LDB2: variants seen among roughly 807,000 people sequenced by gnomAD.
LDB2 encodes LIM domain binding 2, also known as LIM domain-binding protein 2.
LDB2 carries 12 observed loss-of-function variants against 44.3 expected under a neutral mutation model. The observed-to-expected ratio is 0.27, with a 90% CI of 0.17 to 0.44. The LOEUF (loss-of-function observed/expected upper bound fraction) is 0.44. LDB2 is among the 20% of genes least tolerant of loss of function. The pLI, the probability that LDB2 is intolerant of heterozygous loss-of-function variation, is 1.00. For synonymous variants in LDB2, 164 were observed against 174.8 expected (o/e 0.94, Z 0.49); for missense variants, 344 against 473.5 (o/e 0.73, Z 2.54).
chr4:16,643,065 T>C (rs1735651593), intron 2 of LDB2, among the ~76,000 whole-genome samples: 1 of 152,148 alleles, frequency 6.6e-6, no homozygotes, highest in Non-Finnish European at 1.5e-5. Context: ...CATAGACTTG[T>C]ATGTATATTT....
intron 5 of LDB2, among the ~76,000 whole-genome samples, chr4:16,522,276 T>TTGTGTGTGTGTGTGTGTG (rs139556977): frequency 1.3e-5 from 2 of 150,232 alleles, no homozygotes; most frequent in Non-Finnish European, 3.0e-5. Context: ...GTGTGTGTGT[T>TTGTGTGTGTGTGTGTGTG]TGTGTGTGTG....
At chr4:16,665,545 G>T (rs531738917) in intron 2 of LDB2, among the ~76,000 whole-genome samples, 1 of 152,126 alleles carries the variant, frequency 6.6e-6, no homozygotes, top group African/African-American at 2.4e-5. Context: ...GATTACAGGC[G>T]TGAGCCACCG....
intron 1 of LDB2, among the ~76,000 whole-genome samples, chr4:16,854,277 T>C (rs1483898912): frequency 6.6e-6 from 1 of 152,072 alleles, no homozygotes; most frequent in African/African-American, 2.4e-5. Context: ...ATATACACAA[T>C]AAAGTTTACT....
intron 1 of LDB2, among the ~76,000 whole-genome samples, chr4:16,782,790 G>T (rs1477047757): frequency 6.6e-6 from 1 of 152,166 alleles, no homozygotes; most frequent in Non-Finnish European, 1.5e-5. Flanking sequence ...GGAACACAGT[G>T]ATAAATAAGA....
At chr4:16,862,163 T>C (rs1464373245) in intron 1 of LDB2, among the ~76,000 whole-genome samples, 1 of 152,220 alleles carries the variant, frequency 6.6e-6, no homozygotes, top group African/African-American at 2.4e-5. Flanking sequence ...GGCTATATCT[T>C]CACATGCTTA....
chr4:16,568,102 A>G (rs897459161), intron 5 of LDB2, among the ~76,000 whole-genome samples: 1 of 152,196 alleles, frequency 6.6e-6, no homozygotes, highest in Non-Finnish European at 1.5e-5. Context: ...TTTGACCTGA[A>G]AAAAACAGCA....
chr4:16,593,864 G>A (rs1719959261), intron 3 of LDB2, among the ~76,000 whole-genome samples: 1 of 152,092 alleles, frequency 6.6e-6, no homozygotes, highest in Admixed American at 6.5e-5. Flanking sequence ...ACACTTTATC[G>A]ATTCATCTGA....
chr4:16,868,906 G>A (rs112471057), intron 1 of LDB2, among the ~76,000 whole-genome samples: 60 of 152,218 alleles, frequency 3.9e-4, no homozygotes, highest in East Asian at 3.1e-3. Context: ...TGATGAAGAT[G>A]ATAATGAAGA....
intron 5 of LDB2, among the ~76,000 whole-genome samples, chr4:16,513,858 C>T (rs1722697487): frequency 6.6e-6 from 1 of 152,168 alleles, no homozygotes. Context: ...TCATAGAAAC[C>T]AGAACCTATC....
At chr4:16,766,468 A>ATGTGTGTGTGTG (rs1218763626) in intron 1 of LDB2, among the ~76,000 whole-genome samples, 27 of 41,336 alleles carry the variant, frequency 6.5e-4, no homozygotes, top group African/African-American at 1.0e-3. Context: ...ACACACATAT[A>ATGTGTGTGTGTG]TGTGTGTGTG....
At chr4:16,784,476 C>G (rs193135176) in intron 1 of LDB2, among the ~76,000 whole-genome samples, 2 of 152,302 alleles carry the variant, frequency 1.3e-5, no homozygotes, top group Non-Finnish European at 2.9e-5. Flanking sequence ...AGGCTGGTCC[C>G]AAGCATGAGA....
chr4:16,863,165 C>T (rs1216860858), intron 1 of LDB2, among the ~76,000 whole-genome samples: 2 of 152,150 alleles, frequency 1.3e-5, no homozygotes, highest in African/African-American at 4.8e-5. Context: ...GCTGAGTGCT[C>T]GCATGTTTAA....
At chr4:16,519,043 T>G (rs1724956102) in intron 5 of LDB2, among the ~76,000 whole-genome samples, 1 of 152,218 alleles carries the variant, frequency 6.6e-6, no homozygotes, top group Non-Finnish European at 1.5e-5. Flanking sequence ...TCTTTGCACA[T>G]CCCAGTGTTT....
intron 2 of LDB2, among the ~76,000 whole-genome samples, chr4:16,678,659 C>G (rs1302866437): frequency 6.6e-6 from 1 of 152,180 alleles, no homozygotes; most frequent in Non-Finnish European, 1.5e-5. Flanking sequence ...GTTTTATTCT[C>G]TCTTCTTTGG....
At chr4:16,562,035 G>T (rs1036240370) in intron 5 of LDB2, among the ~76,000 whole-genome samples, 1 of 152,148 alleles carries the variant, frequency 6.6e-6, no homozygotes, top group African/African-American at 2.4e-5. Flanking sequence ...GCTGAAACTG[G>T]ATCCCTTCCT....
At chr4:16,557,662 G>C (rs2152367656) in intron 5 of LDB2, among the ~76,000 whole-genome samples, 1 of 152,368 alleles carries the variant, frequency 6.6e-6, no homozygotes, top group East Asian at 1.9e-4. Flanking sequence ...AAAGACAGCA[G>C]TAACCTCTGC....
intron 1 of LDB2, among the ~76,000 whole-genome samples, chr4:16,876,905 G>GC (rs2110394036): frequency 7.3e-6 from 1 of 136,358 alleles, no homozygotes; most frequent in East Asian, 3.2e-4. Context: ...TTTGTATAGT[G>GC]CTTTTTTTTT....
chr4:16,544,951 T>A (rs1434995920), intron 5 of LDB2, among the ~76,000 whole-genome samples: 3 of 151,740 alleles, frequency 2.0e-5, no homozygotes. Context: ...TAAGAAGAAA[T>A]GTGTGCGCCG....
intron 2 of LDB2, among the ~76,000 whole-genome samples, chr4:16,711,342 T>G (rs1386690716): frequency 6.6e-6 from 1 of 152,216 alleles, no homozygotes; most frequent in African/African-American, 2.4e-5. Context: ...CAGGACACTG[T>G]GCTGGGCTCT....
Sources: gnomAD v4.1 joint callset for allele counts (sites outside exome capture counted in the v4.1 genomes callset) on GRCh38, gnomAD v4.1.1 for gene constraint, MANE v1.5 for transcripts, NCBI Gene and HGNC (gene_info 2026-07-23, HGNC 2026-07-21) for gene names.